Variants in DNAH3 observed in about 807,000 individuals in gnomAD.
DNAH3 encodes dynein axonemal heavy chain 3.
In DNAH3, 332 loss-of-function variants were observed where a neutral mutation model predicts 432.5. That is an observed-to-expected ratio of 0.77 (90% CI 0.70 to 0.84). The LOEUF is 0.84. Ranked by LOEUF, DNAH3 falls within the 40% of genes least tolerant of loss-of-function variation. DNAH3 has a pLI of 0.00. For synonymous variants in DNAH3, 1,956 were observed against 1,900.2 expected (o/e 1.03, Z -0.76); for missense variants, 4,861 against 5,114.0 (o/e 0.95, Z 1.51).
chr16:21,042,778 G>A (rs927136071), intron 31 of DNAH3, among the ~76,000 whole-genome samples: 3 of 151,952 alleles, frequency 2.0e-5, no homozygotes, highest in East Asian at 1.9e-4. Flanking sequence ...CCACTAACTC[G>A]TCATCTAGCA....
chr16:21,053,249 C>A (rs1002907632), intron 28 of DNAH3, among the ~76,000 whole-genome samples: 3 of 152,124 alleles, frequency 2.0e-5, no homozygotes, highest in African/African-American at 7.2e-5. Context: ...AAGATTATAT[C>A]CACAGCTTTT....
chr16:21,039,213 G>GTTTTTTTTT (rs1567681489), intron 33 of DNAH3, among the ~76,000 whole-genome samples: 1 of 103,626 alleles, frequency 9.7e-6, no homozygotes. Flanking sequence ...TTATAGTGTT[G>GTTTTTTTTT]CTTTTTTTTT....
At chr16:21,046,812 AC>A (rs1449179634) in intron 31 of DNAH3, among the ~76,000 whole-genome samples, 1 of 151,924 alleles carries the variant, frequency 6.6e-6, no homozygotes, top group Non-Finnish European at 1.5e-5. Context: ...AGCGGCTGGT[AC>A]CGGTTGTTCC....
At position 21,067,806 on chromosome 16, in the gene DNAH3, A is replaced by C. The variant is rs1374719825; in HGVS notation, c.3382-387T>G. Among the ~76,000 whole-genome samples, 4 of 138,844 alleles carry C rather than the reference A, an allele frequency of 2.9e-5. 1 individual carries two copies. The highest frequency in any genetic ancestry group is 1.1e-4 in the African/African-American group (4 of 36,884). 91.1% of individuals were successfully genotyped at this position (138,844 alleles called of 152,430 possible). ...GAGAGAGAGAGAGAGAGAGAGACTG[A>C]CTAAGGCAGGGCCAGGAAAGAGGAG... On this transcript the variant is annotated intron_variant, in intron 23 of 61. Coordinates refer to ENST00000261383, the Ensembl canonical transcript of DNAH3.
intron 59 of DNAH3, among the ~76,000 whole-genome samples, chr16:20,939,443 C>G (rs1372142697): frequency 6.6e-6 from 1 of 152,076 alleles, no homozygotes; most frequent in Non-Finnish European, 1.5e-5. Context: ...GAAATCCTGT[C>G]TCTACTAAAA....
chr16:20,980,295 A>ATCATATATTATAATATACG (rs2085826540), intron 49 of DNAH3, among the ~76,000 whole-genome samples: 1 of 142,918 alleles, frequency 7.0e-6, no homozygotes, highest in African/African-American at 2.6e-5. Context: ...TATAATATAC[A>ATCATATATTATAATATACG]TCATATATTA....
exon 37 of DNAH3, chr16:21,031,094 T>C (rs768162333): frequency 1.9e-6 from 3 of 1,614,014 alleles, no homozygotes; most frequent in Admixed American, 1.7e-5. Flanking sequence ...CCAAATAGCA[T>C]CCACTGGCCC....
chr16:21,090,126 A>T (rs761964146), intron 18 of DNAH3, among the ~76,000 whole-genome samples: 1 of 152,052 alleles, frequency 6.6e-6, no homozygotes, highest in Non-Finnish European at 1.5e-5. Flanking sequence ...AACTTATTCA[A>T]GATAAACTAG....
At chr16:21,096,466 C>A (rs2091684200) in intron 18 of DNAH3, among the ~76,000 whole-genome samples, 1 of 152,042 alleles carries the variant, frequency 6.6e-6, no homozygotes, top group South Asian at 2.1e-4. Context: ...TTCTTCAACA[C>A]CCTCCACAGG....
At chr16:21,002,444 GTTATTATTATTA>G (rs67362610) in intron 42 of DNAH3, among the ~76,000 whole-genome samples, 12 of 146,828 alleles carry the variant, frequency 8.2e-5, no homozygotes, top group Admixed American at 2.7e-4. Flanking sequence ...ATCTGGTGTT[GTTATTATTATTA>G]TTATTATTAT....
chr16:20,934,220 TTTCTAA>T (rs1329756119), intron 61 of DNAH3, among the ~76,000 whole-genome samples: 1 of 152,216 alleles, frequency 6.6e-6, no homozygotes, highest in African/African-American at 2.4e-5. Flanking sequence ...TTTTTTCCCA[TTTCTAA>T]TTCTAAGTAT....
chr16:21,018,913 A>C (rs2087999925), intron 41 of DNAH3, among the ~76,000 whole-genome samples: 1 of 152,010 alleles, frequency 6.6e-6, no homozygotes, highest in Admixed American at 6.6e-5. Flanking sequence ...AATTATAATG[A>C]CAAAATTAAA....
chr16:21,144,708 A>G (rs534457856), intron 3 of DNAH3, among the ~76,000 whole-genome samples: 1 of 152,342 alleles, frequency 6.6e-6, no homozygotes, highest in Admixed American at 6.5e-5. Flanking sequence ...AATGGTCTAT[A>G]AATGTTAGCC....
rs150194476 is a variant in DNAH3 at position 21,134,283 on chromosome 16, C to T, written c.1058G>A (p.Arg353Lys). 2.5e-6 allele frequency: 4 copies of T among 1,612,756 alleles called. No individual in the cohort carries two copies. The African/African-American group carries it at 4.0e-5, about 16-fold the overall frequency. ...CTCTGCAAACCACAGTTCTTTCAGC[C>T]TGAGCATCATGGGGTTCACCGTGTG... The change falls in exon 7 of 62, where the codon AGG (arginine) becomes AAG (lysine). Residue 353 changes from arginine to lysine, a missense_variant. By Grantham distance (26) the Arg-to-Lys change is conservative. Transcript: ENST00000261383.
At chr16:21,058,224 G>A in intron 26 of DNAH3, 28 bp from the exon 27 acceptor site, 1 of 1,394,606 alleles carries the variant, frequency 7.2e-7, no homozygotes, top group Middle Eastern at 1.8e-4. Context: ...GCATGTTATA[G>A]GATCAGTTCA....
intron 31 of DNAH3, 36 bp from the exon 32 acceptor site, chr16:21,042,239 C>T: frequency 6.5e-7 from 1 of 1,548,154 alleles, no homozygotes; most frequent in Non-Finnish European, 8.7e-7. Flanking sequence ...AGAGCATCTG[C>T]TTCTGTCTGA....
intron 31 of DNAH3, among the ~76,000 whole-genome samples, chr16:21,047,652 G>A (rs1346255972): frequency 1.3e-5 from 2 of 151,578 alleles, no homozygotes; most frequent in Non-Finnish European, 2.9e-5. Flanking sequence ...TAATTTGATC[G>A]TCTGAAGCCT....
chr16:21,106,379 T>A, intron 15 of DNAH3, 111 bp downstream of exon 15: 2 of 927,790 alleles, frequency 2.2e-6, no homozygotes, highest in Non-Finnish European at 2.9e-6. Context: ...TGCTCAACAC[T>A]TTACCCCTAA....
At chr16:20,967,712 T>C (rs781450755) in intron 52 of DNAH3, among the ~76,000 whole-genome samples, 49 of 151,862 alleles carry the variant, frequency 3.2e-4, no homozygotes, top group Non-Finnish European at 6.5e-4. Context: ...TTCACCATGT[T>C]GGCCAGGCTG....
Sources: gnomAD v4.1 joint callset for allele counts (sites outside exome capture counted in the v4.1 genomes callset) on GRCh38, gnomAD v4.1.1 for gene constraint, MANE v1.5 for transcripts, NCBI Gene and HGNC (gene_info 2026-07-23, HGNC 2026-07-21) for gene names.